Variants in ZNF710 observed in about 807,000 individuals in gnomAD.
ZNF710 encodes zinc finger protein 710.
A neutral mutation model predicts 50.6 loss-of-function variants in ZNF710; 13 were observed. That is an observed-to-expected ratio of 0.26 (90% CI 0.17 to 0.41). ZNF710 has a LOEUF of 0.41. ZNF710 is among the 10% of genes least tolerant of loss of function. ZNF710 has a pLI of 1.00. For missense variants in ZNF710, 721 were observed against 936.6 expected, an observed-to-expected ratio of 0.77 and a Z score of 3.01; for synonymous variants, 383 against 397.0, an observed-to-expected ratio of 0.96 and a Z score of 0.42.
rs759672421 is a variant in ZNF710, at chr15:90,067,143, G to A, written c.6G>A (p.Glu2=). The A allele has an allele frequency of 5.0e-6, 8 of 1,594,374 alleles. No homozygotes were observed. Among genetic ancestry groups the A allele is most frequent in the Non-Finnish European group, 6.8e-6 (8 of 1,167,982 alleles). M[E]GFMDSGTQTD... ...TCCTAGCTAGCCGTCACGGGATGGA[G>A]GGCTTCATGGACTCAGGGACACAGA... The change falls in exon 2 of 5, where the codon GAG becomes GAA. Residue 2 remains glutamate (E), a synonymous_variant. Transcript: ENST00000268154. This position sits in a 1 kb window ranked among gnomAD's most constrained non-coding sequence, Gnocchi z 8.1.
chr15:90,053,220 C>A (rs1291822887), intron 1 of ZNF710, among the ~76,000 whole-genome samples: 4 of 152,182 alleles, frequency 2.6e-5, no homozygotes, highest in Non-Finnish European at 5.9e-5. Flanking sequence ...AGCTGGGCAC[C>A]CTGAGCATTT....
At chr15:90,053,560 G>A (rs1441926121) in intron 1 of ZNF710, among the ~76,000 whole-genome samples, 1 of 152,140 alleles carries the variant, frequency 6.6e-6, no homozygotes, top group African/African-American at 2.4e-5. Flanking sequence ...GGGTGGTCTC[G>A]AACTCCTGAG....
intron 2 of ZNF710, among the ~76,000 whole-genome samples, chr15:90,069,881 A>G (rs1403282141): frequency 6.6e-6 from 1 of 152,080 alleles, no homozygotes; most frequent in African/African-American, 2.4e-5. Flanking sequence ...CTCCTCTGAG[A>G]GGCCCTCATA....
intron 1 of ZNF710, among the ~76,000 whole-genome samples, chr15:90,005,614 T>A (rs1024684386): frequency 6.6e-6 from 1 of 152,124 alleles, no homozygotes; most frequent in Admixed American, 6.5e-5. Flanking sequence ...ACACCCAGCC[T>A]AATTTTTATA....
rs192853255 is a variant in ZNF710 at position 90,032,107 on chromosome 15, T to C, written c.-29+30493T>C. On this transcript the variant is annotated intron_variant, in intron 1 of 4. Transcript: ENST00000268154. Reference sequence around the variant, plus strand: ...TGGCTCCCAGGTTCAAGCAATTCTCTTGCCCTCAGCCTCCCAAGTAGCTGG... The same window carrying C: ...TGGCTCCCAGGTTCAAGCAATTCTCCTGCCCTCAGCCTCCCAAGTAGCTGG... Among the ~76,000 whole-genome samples the C allele has an allele frequency of 6.7e-3, 1,020 of 152,266 alleles. 8 individuals carry two copies. The highest frequency in any genetic ancestry group is 0.011 in the Non-Finnish European group (730 of 68,006).
chr15:90,023,027 A>T (rs1898668614), intron 1 of ZNF710, among the ~76,000 whole-genome samples: 1 of 152,214 alleles, frequency 6.6e-6, no homozygotes, highest in Non-Finnish European at 1.5e-5. Flanking sequence ...TATAGGCCGG[A>T]CACTGATCTA....
At chr15:90,057,418 G>A (rs1328123542) in intron 1 of ZNF710, among the ~76,000 whole-genome samples, 1 of 151,902 alleles carries the variant, frequency 6.6e-6, no homozygotes. Context: ...CTTCGAGGCC[G>A]GGCACGGTGG....
rs371041538 is a variant in ZNF710, at chr15:90,051,067, C to G, written c.-28-16043C>G. ...CAACCTGGCCAACATGGTGAAACCC[C>G]ATCTCTACTAAAAATACAAAAATTA... On this transcript the variant is annotated intron_variant, in intron 1 of 4. Coordinates refer to ENST00000268154, the MANE Select transcript of ZNF710 (RefSeq NM_198526.4). 1.6e-3 allele frequency among the ~76,000 whole-genome samples: 238 copies of G among 150,728 alleles called. 3 individuals are homozygous for G. The highest frequency in any genetic ancestry group is 5.1e-3 in the African/African-American group (210 of 41,036).
Position 90,066,624 on chromosome 15 carries a change from G to A in ZNF710, c.-28-486G>A, listed in dbSNP as rs553164526. Among the ~76,000 whole-genome samples, 7 of 151,728 alleles carry A rather than the reference G, an allele frequency of 4.6e-5. No homozygotes were observed. The East Asian group carries it at 5.8e-4, about 13-fold the overall frequency. On this transcript the variant is annotated intron_variant, in intron 1 of 4. Transcript: ENST00000268154. ...TCCTATAGCTGGGATTACAGGTGCC[G>A]GCCACCACGCCCAGCTAATTTTGTA...
intron 1 of ZNF710, among the ~76,000 whole-genome samples, chr15:90,012,964 G>A (rs907840961): frequency 2.0e-5 from 3 of 151,518 alleles, no homozygotes; most frequent in Non-Finnish European, 4.4e-5. Context: ...CGTTTATTTT[G>A]TATTCTGTAT....
Position 90,079,986 on chromosome 15 carries a change from G to A in ZNF710, c.*157G>A. 2 of 665,284 alleles carry A rather than the reference G, an allele frequency of 3.0e-6. No homozygotes were observed. The highest frequency in any genetic ancestry group is 4.7e-6 in the Non-Finnish European group (2 of 425,022). 41.2% of individuals were successfully genotyped at this position (665,284 alleles called of 1,614,324 possible). A position where few individuals can be genotyped will look rare whatever the true frequency, so the allele number is the denominator to read the frequency against. On this transcript the variant is annotated 3_prime_UTR_variant, in exon 5 of 5. Transcript: ENST00000268154. ...TCATTTGCACCACTAGGGACCTTTA[G>A]ACCAAATGGAGACTGTACTACTGGC... is the stretch of plus-strand genomic sequence containing the variant.
chr15:90,017,259 T>C (rs1452012252), intron 1 of ZNF710, among the ~76,000 whole-genome samples: 2 of 152,216 alleles, frequency 1.3e-5, no homozygotes, highest in African/African-American at 4.8e-5. Flanking sequence ...TTTTATTATT[T>C]GTTTCCCAGA....
chr15:90,001,649 A>C, intron 1 of ZNF710, 35 bp downstream of exon 1: 1 of 140,556 alleles, frequency 7.1e-6, no homozygotes, highest in African/African-American at 2.6e-5. Flanking sequence ...CCCCAGCCCC[A>C]GCCCCAGCCC....
chr15:90,035,313 C>T (rs1899087940), intron 1 of ZNF710, among the ~76,000 whole-genome samples: 3 of 152,224 alleles, frequency 2.0e-5, no homozygotes, highest in Non-Finnish European at 2.9e-5. Context: ...TGGCCTGGCT[C>T]AGCATTGGCC....
intron 1 of ZNF710, among the ~76,000 whole-genome samples, chr15:90,006,240 G>C (rs1898138497): frequency 6.6e-6 from 1 of 152,184 alleles, no homozygotes; most frequent in Non-Finnish European, 1.5e-5. Context: ...AGATGTAGGA[G>C]ATCTTTTTAT....
chr15:90,071,942 G>A (rs755921655), intron 2 of ZNF710, among the ~76,000 whole-genome samples: 1 of 152,034 alleles, frequency 6.6e-6, no homozygotes, highest in African/African-American at 2.4e-5. Context: ...CCAAAGTGCT[G>A]GGATTACAGG....
At chr15:90,074,390 C>G in intron 4 of ZNF710, 100 bp downstream of exon 4, 1 of 1,575,670 alleles carries the variant, frequency 6.3e-7, no homozygotes, top group Non-Finnish European at 8.6e-7. Flanking sequence ...CTGGCCAAGG[C>G]TGAGACTTCG....
At position 90,059,256 on chromosome 15, in the gene ZNF710, T is replaced by C. The variant is rs1285459668; in HGVS notation, c.-28-7854T>C. Among the ~76,000 whole-genome samples, 1 of 151,970 alleles carries C rather than the reference T, an allele frequency of 6.6e-6. No individual in the cohort carries two copies. The highest frequency in any genetic ancestry group is 1.5e-5 in the Non-Finnish European group (1 of 67,976). ...CCCCAAGGTAGGAAACATCGGTGAGTTGGGGGCAGAGGGGCAGTGGAGCCT... is the reference window on the plus strand; with the variant it reads ...CCCCAAGGTAGGAAACATCGGTGAGCTGGGGGCAGAGGGGCAGTGGAGCCT... On this transcript the variant is annotated intron_variant, in intron 1 of 4. Coordinates refer to ENST00000268154, the MANE Select transcript of ZNF710 (RefSeq NM_198526.4). This position sits in a 1 kb window ranked among gnomAD's most constrained non-coding sequence, Gnocchi z 4.1.
chr15:90,006,339 C>G (rs1898140542), intron 1 of ZNF710, among the ~76,000 whole-genome samples: 1 of 152,028 alleles, frequency 6.6e-6, no homozygotes, highest in Non-Finnish European at 1.5e-5. Flanking sequence ...CCTTTTTGGC[C>G]TTGATACCAC....
Sources: allele counts gnomAD v4.1 joint callset (sites outside exome capture counted in the v4.1 genomes callset), GRCh38; gene constraint gnomAD v4.1.1; non-coding constraint Gnocchi (gnomAD v3.1); transcripts MANE v1.5; gene names NCBI Gene and HGNC (gene_info 2026-07-23, HGNC 2026-07-21).